Variants in HS3ST2 observed in about 807,000 individuals in gnomAD.
HS3ST2 encodes heparan sulfate glucosamine 3-O-sulfotransferase 2.
A neutral mutation model predicts 26.3 loss-of-function variants in HS3ST2; 17 were observed. The ratio of observed to expected loss-of-function variants is 0.65; its 90% confidence interval spans 0.44 to 0.97. The LOEUF (loss-of-function observed/expected upper bound fraction) is 0.97, where lower values mean the gene tolerates loss of function less well. HS3ST2 is among the 50% of genes least tolerant of loss of function. The probability of loss-of-function intolerance (pLI) is 0.00; values close to 1 mark genes in which losing one functional copy is unlikely to be tolerated. For synonymous variants in HS3ST2, 237 were observed against 219.2 expected (o/e 1.08, Z -0.72); for missense variants, 402 against 501.2 (o/e 0.80, Z 1.89).
chr16:22,861,711 T>A (rs1256018900), intron 1 of HS3ST2, among the ~76,000 whole-genome samples: 1 of 152,086 alleles, frequency 6.6e-6, no homozygotes, highest in Admixed American at 6.5e-5. Flanking sequence ...ACAATGCACA[T>A]CTCTTATTGT....
At chr16:22,852,128 G>T (rs1489977252) in intron 1 of HS3ST2, among the ~76,000 whole-genome samples, 2 of 152,198 alleles carry the variant, frequency 1.3e-5, no homozygotes, top group East Asian at 3.9e-4. Flanking sequence ...CTAGGAGAAG[G>T]ATGTTATGGG....
intron 1 of HS3ST2, among the ~76,000 whole-genome samples, chr16:22,901,894 A>C (rs1040080149): frequency 7.2e-5 from 11 of 152,272 alleles, no homozygotes; most frequent in African/African-American, 2.6e-4. Flanking sequence ...TTTTCATTAG[A>C]TAGTTTTTTT....
chr16:22,854,482 G>A (rs1901562450), intron 1 of HS3ST2, among the ~76,000 whole-genome samples: 1 of 152,002 alleles, frequency 6.6e-6, no homozygotes, highest in African/African-American at 2.4e-5. Context: ...CTTGTTCACA[G>A]ATATACATTT....
At chr16:22,870,356 C>T (rs996447348) in intron 1 of HS3ST2, among the ~76,000 whole-genome samples, 2 of 152,210 alleles carry the variant, frequency 1.3e-5, no homozygotes, top group African/African-American at 4.8e-5. Flanking sequence ...ACCATCATCT[C>T]TTTCGTGGAT....
At position 22,893,788 on chromosome 16, in the gene HS3ST2, G is replaced by A. The variant is rs1399381982; in HGVS notation, c.486-21156G>A. Among the ~76,000 whole-genome samples the A allele has an allele frequency of 3.3e-5, 5 of 151,424 alleles. No homozygotes were observed. In the East Asian group the frequency reaches 9.7e-4, roughly 29 times the overall value. The stretch of plus-strand genomic sequence containing the variant: ...ATGAGAACACATGGACACAGGGAGG[G>A]GAATGTTTTTTCTTTTTTTGAAGCA... On this transcript the variant is annotated intron_variant, in intron 1 of 1. Transcript: ENST00000261374.
intron 1 of HS3ST2, among the ~76,000 whole-genome samples, chr16:22,884,650 A>G (rs1902034684): frequency 6.9e-6 from 1 of 144,418 alleles, no homozygotes; most frequent in South Asian, 2.2e-4. Flanking sequence ...TCAGCAAAAT[A>G]GAGAAAAAAA....
intron 1 of HS3ST2, among the ~76,000 whole-genome samples, chr16:22,866,586 A>G (rs978408387): frequency 1.3e-5 from 2 of 152,060 alleles, no homozygotes; most frequent in Admixed American, 6.6e-5. Context: ...CCTGGGCAAC[A>G]TGGCAAGACC....
At chr16:22,862,521 G>C (rs187380482) in intron 1 of HS3ST2, among the ~76,000 whole-genome samples, 5 of 152,084 alleles carry the variant, frequency 3.3e-5, no homozygotes, top group Non-Finnish European at 2.9e-5. Flanking sequence ...AGCTTCACCC[G>C]CCCTGGACTA....
chr16:22,821,283 C>T (rs1019254036), intron 1 of HS3ST2, among the ~76,000 whole-genome samples: 5 of 151,480 alleles, frequency 3.3e-5, no homozygotes, highest in Non-Finnish European at 7.4e-5. Flanking sequence ...AGGGCCCTAG[C>T]GGATTTGAAG....
chr16:22,817,237 T>C (rs1414501920), intron 1 of HS3ST2, among the ~76,000 whole-genome samples: 1 of 152,136 alleles, frequency 6.6e-6, no homozygotes, highest in Non-Finnish European at 1.5e-5. Flanking sequence ...CTCTACCACC[T>C]TTCCCCACTT....
chr16:22,900,058 C>T (rs952451310), intron 1 of HS3ST2, among the ~76,000 whole-genome samples: 2 of 152,202 alleles, frequency 1.3e-5, no homozygotes, highest in African/African-American at 2.4e-5. Context: ...AGTGTTGCCT[C>T]AGGAAGCTTC....
intron 1 of HS3ST2, among the ~76,000 whole-genome samples, chr16:22,820,958 G>A (rs1422962361): frequency 3.9e-5 from 6 of 152,154 alleles, no homozygotes; most frequent in South Asian, 2.1e-4. Flanking sequence ...TACTGATTCC[G>A]GAAATGCCCT....
rs1159639879 is a variant in HS3ST2 at position 22,914,736 on chromosome 16, C to CAAAAA, written c.486-184_486-180dup. Among the ~76,000 whole-genome samples the CAAAAA allele has an allele frequency of 2.8e-4, 10 of 35,948 alleles. 1 individual carries two copies. The highest frequency in any genetic ancestry group is 8.7e-4 in the African/African-American group (9 of 10,360). 23.6% of individuals were successfully genotyped at this position (35,948 alleles called of 152,430 possible). On this transcript the variant is annotated intron_variant, in intron 1 of 1. Coordinates refer to ENST00000261374, the MANE Select transcript of HS3ST2 (RefSeq NM_006043.2). ...TGGGCGACAGAGTGAGACCTTGTCT[C>CAAAAA]AAAAAAAAAAAAAAAAAAAAAAAAA...
intron 1 of HS3ST2, among the ~76,000 whole-genome samples, chr16:22,881,734 G>A (rs193270953): frequency 2.0e-5 from 3 of 152,318 alleles, no homozygotes; most frequent in African/African-American, 4.8e-5. Context: ...ACAAAGGCTC[G>A]TAGGTTACTT....
chr16:22,821,705 C>T (rs192125870), intron 1 of HS3ST2, among the ~76,000 whole-genome samples: 7 of 152,226 alleles, frequency 4.6e-5, no homozygotes, highest in Admixed American at 3.3e-4. Context: ...TGCTGTAGGC[C>T]GGTTCAGCTG....
chr16:22,836,226 T>A (rs1241177208), intron 1 of HS3ST2, among the ~76,000 whole-genome samples: 1 of 152,218 alleles, frequency 6.6e-6, no homozygotes, highest in Non-Finnish European at 1.5e-5. Context: ...TTAGCATGAT[T>A]TAAAAAATAA....
At chr16:22,879,598 A>T (rs1901961619) in intron 1 of HS3ST2, among the ~76,000 whole-genome samples, 1 of 152,112 alleles carries the variant, frequency 6.6e-6, no homozygotes, top group South Asian at 2.1e-4. Flanking sequence ...TTTACATGAG[A>T]TTAGCTGTGT....
At chr16:22,831,123 C>T (rs545158356) in intron 1 of HS3ST2, among the ~76,000 whole-genome samples, 1 of 152,152 alleles carries the variant, frequency 6.6e-6, no homozygotes, top group Non-Finnish European at 1.5e-5. Flanking sequence ...AAGACTTTCT[C>T]CATGATGGAA....
At chr16:22,851,496 A>G (rs1380240834) in intron 1 of HS3ST2, among the ~76,000 whole-genome samples, 1 of 152,142 alleles carries the variant, frequency 6.6e-6, no homozygotes, top group African/African-American at 2.4e-5. Flanking sequence ...TTTTTTCTCC[A>G]TTGCAGCCCA....
Sources: gnomAD v4.1 joint callset for allele counts (sites outside exome capture counted in the v4.1 genomes callset) on GRCh38, gnomAD v4.1.1 for gene constraint, MANE v1.5 for transcripts, NCBI Gene and HGNC (gene_info 2026-07-23, HGNC 2026-07-21) for gene names.